ABCC8: variants seen among roughly 807,000 people sequenced by gnomAD.
ABCC8 encodes ATP binding cassette subfamily C member 8.
A neutral mutation model predicts 188.0 loss-of-function variants in ABCC8; 137 were observed. The observed-to-expected ratio is 0.73, with a 90% CI of 0.63 to 0.84. The LOEUF is 0.84. ABCC8 is among the 40% of genes least tolerant of loss of function. The pLI, the probability that ABCC8 is intolerant of heterozygous loss-of-function variation, is 0.00. For synonymous variants in ABCC8, 797 were observed against 846.5 expected (o/e 0.94, Z 1.01); for missense variants, 1,750 against 2,072.7 (o/e 0.84, Z 3.02).
At position 17,408,739 on chromosome 11, in the gene ABCC8, C is replaced by T. The variant is rs558894396; in HGVS notation, c.2695-222G>A. 3.2e-4 allele frequency among the ~76,000 whole-genome samples: 48 copies of T among 152,310 alleles called. 1 individual carries two copies. The highest frequency in any genetic ancestry group is 1.1e-3 in the African/African-American group (45 of 41,546). On this transcript the variant is annotated intron_variant, in intron 22 of 38. Coordinates refer to ENST00000389817, the MANE Select transcript of ABCC8 (RefSeq NM_000352.6). Reference sequence around the variant, plus strand: ...ACATCTGAGGCGTATTTCTCAATGGCTGGGTTTGCAGAGCAAATTAGTGCA... The same window carrying T: ...ACATCTGAGGCGTATTTCTCAATGGTTGGGTTTGCAGAGCAAATTAGTGCA...
intron 20 of ABCC8, 148 bp from the exon 21 acceptor site, chr11:17,412,894 G>A: frequency 1.3e-6 from 2 of 1,496,256 alleles, no homozygotes; most frequent in Non-Finnish European, 9.0e-7. Context: ...GAAGGAACTT[G>A]CACGTGTTTA....
At chr11:17,411,337 G>C (rs556010133) in intron 21 of ABCC8, among the ~76,000 whole-genome samples, 4 of 152,172 alleles carry the variant, frequency 2.6e-5, no homozygotes, top group African/African-American at 9.7e-5. Context: ...CAGAGTAGAC[G>C]CTTCATAAAC....
intron 36 of ABCC8, 51 bp from the exon 37 acceptor site, chr11:17,394,450 G>A (rs1344726548): frequency 6.2e-7 from 1 of 1,613,536 alleles, no homozygotes; most frequent in African/African-American, 1.3e-5. Flanking sequence ...CTTGTGCTGT[G>A]AGTGGAGCAG....
Position 17,395,907 on chromosome 11 carries a change from G to A in ABCC8, c.4143C>T (p.Gly1381=). The part of the protein sequence containing the change: ...GQKIGICGRT[G]SGKSSFSLAF... ...CAAGAGAGAAGGAGGACTTCCCACTGCCGGTGCGGCCGCAGATCCCGATCT... is the reference window on the plus strand; with the variant it reads ...CAAGAGAGAAGGAGGACTTCCCACTACCGGTGCGGCCGCAGATCCCGATCT... Residue 1381 remains glycine, a synonymous_variant, in exon 34 of 39, where the codon GGC becomes GGT. Coordinates refer to ENST00000389817, the MANE Select transcript of ABCC8 (RefSeq NM_000352.6). The A allele has an allele frequency of 6.3e-7, 1 of 1,587,022 alleles. No individual in the cohort carries two copies. The highest frequency in any genetic ancestry group is 8.6e-7 in the Non-Finnish European group (1 of 1,165,404).
At chr11:17,464,290 C>T (rs916269729) in intron 3 of ABCC8, among the ~76,000 whole-genome samples, 1 of 152,176 alleles carries the variant, frequency 6.6e-6, no homozygotes, top group Non-Finnish European at 1.5e-5. Context: ...GGATCCCTGT[C>T]CTCACAGTTC....
At position 17,395,919 on chromosome 11, in the gene ABCC8, G is replaced by A. The variant is rs541612031; in HGVS notation, c.4131C>T (p.Cys1377=). 2.8e-5 allele frequency: 44 copies of A among 1,582,796 alleles called. No homozygotes were observed. Among genetic ancestry groups the A allele is most frequent in the South Asian group, 1.8e-4 (16 of 86,714 alleles). ...LIAPGQKIGI[C]GRTGSGKSSF... is the part of the protein sequence containing the mutation. ...AGGACTTCCCACTGCCGGTGCGGCC[G>A]CAGATCCCGATCTGGAAAGAGAGAA... The change falls in exon 34 of 39, where the codon TGC becomes TGT. Residue 1377 remains cysteine (C), a synonymous_variant. Transcript: ENST00000389817.
chr11:17,463,681 T>C (rs762856732), intron 3 of ABCC8, 77 bp from the exon 4 acceptor site: 80 of 1,537,820 alleles, frequency 5.2e-5, no homozygotes, highest in Non-Finnish European at 6.6e-5. Flanking sequence ...TGCAAGTATG[T>C]GGCAGAGAAG....
chr11:17,396,283 A>G, intron 33 of ABCC8: 2 of 420,032 alleles, frequency 4.8e-6, no homozygotes, highest in South Asian at 4.3e-5. Flanking sequence ...TGAGAGTGGT[A>G]TGCATGGATG....
At chr11:17,457,001 G>A (rs1355612754) in intron 6 of ABCC8, among the ~76,000 whole-genome samples, 1 of 152,196 alleles carries the variant, frequency 6.6e-6, no homozygotes, top group Non-Finnish European at 1.5e-5. Flanking sequence ...AGGATGTTAT[G>A]TGAGCACAGA....
chr11:17,460,960 A>T (rs1957167277), intron 5 of ABCC8: 2 of 528,742 alleles, frequency 3.8e-6, no homozygotes, highest in Admixed American at 3.3e-5. Flanking sequence ...TGGAATGAGG[A>T]GGTGGCCATG....
intron 26 of ABCC8, 176 bp from the exon 27 acceptor site, chr11:17,405,739 A>C: frequency 1.3e-6 from 1 of 795,146 alleles, no homozygotes; most frequent in Non-Finnish European, 1.5e-6. Context: ...CAGCTGCCCA[A>C]AGGGGCGCTG....
chr11:17,417,202 C>T (rs991978141), intron 16 of ABCC8, among the ~76,000 whole-genome samples: 2 of 152,166 alleles, frequency 1.3e-5, no homozygotes, highest in Non-Finnish European at 2.9e-5. Context: ...GGCATTGACT[C>T]GGAGCAGCGG....
rs762389525 is a variant in ABCC8, at chr11:17,410,565, G to T, written c.2645C>A (p.Thr882Lys). 1 of 1,614,130 alleles carries T rather than the reference G, an allele frequency of 6.2e-7. No individual in the cohort carries two copies. Among genetic ancestry groups the T allele is most frequent in the Admixed American group, 1.7e-5 (1 of 60,022 alleles). ...ILELLRDDKR[T>K]VVLVTHKLQY... ...TAGCTTGTGGGTCACTAAGACCACT[G>T]TCCTCTTGTCGTCCCGGAGCAGCTC... The change falls in exon 22 of 39, where the codon ACA becomes AAA. Residue 882 changes from threonine to lysine, a missense_variant. Coordinates refer to ENST00000389817, the MANE Select transcript of ABCC8 (RefSeq NM_000352.6).
At chr11:17,449,797 TA>T (rs1956690116) in intron 7 of ABCC8, among the ~76,000 whole-genome samples, 1 of 152,238 alleles carries the variant, frequency 6.6e-6, no homozygotes, top group African/African-American at 2.4e-5. Flanking sequence ...GGCAGGAACC[TA>T]TTCTATGTCT....
rs2133473953 is a variant in ABCC8, at chr11:17,413,479, C to T, written c.2391-1G>A. On this transcript the variant is annotated splice_acceptor_variant, in intron 19 of 38. Transcript: ENST00000389817. LOFTEE classifies it high-confidence loss of function. Reference sequence around the variant, plus strand: ...GCAGGCTTCAATGACCATCTTGTACCTGGCGTGGGTAGAGGCAGGGGATGC... The same window carrying T: ...GCAGGCTTCAATGACCATCTTGTACTTGGCGTGGGTAGAGGCAGGGGATGC... 1 of 1,613,824 alleles carries T rather than the reference C, an allele frequency of 6.2e-7. No individual in the cohort carries two copies. Among genetic ancestry groups the T allele is most frequent in the Non-Finnish European group, 8.5e-7 (1 of 1,180,036 alleles).
chr11:17,460,033 T>C (rs1431580859), intron 6 of ABCC8, among the ~76,000 whole-genome samples: 3 of 152,218 alleles, frequency 2.0e-5, no homozygotes, highest in African/African-American at 7.2e-5. Flanking sequence ...GGTTTCCCAC[T>C]TCTCTCTCCT....
At position 17,399,301 on chromosome 11, in the gene ABCC8, A is replaced by AAAC. The variant is rs1564882065; in HGVS notation, c.3651-861_3651-860insGTT. 2.9e-4 allele frequency among the ~76,000 whole-genome samples: 40 copies of AAAC among 136,298 alleles called. 3 individuals are homozygous for AAAC. Among genetic ancestry groups the AAAC allele is most frequent in the African/African-American group, 7.9e-4 (27 of 34,178 alleles). The allele number at this position is 136,298 out of a possible 152,430, so 89.4% of individuals were successfully genotyped here. ...AAAAAAAAAAAAAAAAAAAAAAAAA[A>AAAC]AAACAAATAAAAAAGAATATTAATG... On this transcript the variant is annotated intron_variant, in intron 29 of 38. Coordinates refer to ENST00000389817, the MANE Select transcript of ABCC8 (RefSeq NM_000352.6).
At position 17,461,548 on chromosome 11, in the gene ABCC8, C is replaced by T. The variant is rs78649982; in HGVS notation, c.822+35G>A. The T allele has an allele frequency of 2.4e-4, 395 of 1,613,718 alleles. 4 individuals are homozygous for T. In the East Asian group the frequency reaches 8.5e-3, roughly 35 times the overall value. On this transcript the variant is annotated intron_variant, in intron 5 of 38. Transcript: ENST00000389817. Reference sequence around the variant, plus strand: ...CTCTCTGTGACCCTAAACCAGAAGGCAGTGAATAGATGGTGTGGCTGTGCC... The same window carrying T: ...CTCTCTGTGACCCTAAACCAGAAGGTAGTGAATAGATGGTGTGGCTGTGCC...
At chr11:17,431,878 C>A (rs927665634) in intron 11 of ABCC8, among the ~76,000 whole-genome samples, 1 of 152,192 alleles carries the variant, frequency 6.6e-6, no homozygotes, top group African/African-American at 2.4e-5. Flanking sequence ...TCTCTTTGAG[C>A]TTTCTGTTCT....
Sources: allele counts gnomAD v4.1 joint callset (sites outside exome capture counted in the v4.1 genomes callset), GRCh38; gene constraint gnomAD v4.1.1; transcripts MANE v1.5; gene names NCBI Gene and HGNC (gene_info 2026-07-23, HGNC 2026-07-21).